EPRS1: variants seen among roughly 807,000 people sequenced by gnomAD.
EPRS1 encodes glutamyl-prolyl-tRNA synthetase 1.
Under a neutral mutation model 188.3 loss-of-function variants are expected in EPRS1, and 107 were observed. The observed-to-expected ratio is 0.57, with a 90% CI of 0.49 to 0.67. The LOEUF is 0.67. EPRS1 is among the 30% of genes least tolerant of loss of function. The pLI, the probability that EPRS1 is intolerant of heterozygous loss-of-function variation, is 0.00. For missense variants in EPRS1, 1,577 were observed against 1,802.2 expected (o/e 0.88, Z 2.26); for synonymous variants, 596 against 593.1 (o/e 1.00, Z -0.07).
chr1:220,001,830 A>G (rs569964228), intron 16 of EPRS1, among the ~76,000 whole-genome samples: 124 of 152,186 alleles, frequency 8.1e-4, no homozygotes, highest in South Asian at 1.7e-3. Context: ...GGAGTTCAAA[A>G]CCAGCCTGGG....
At chr1:219,970,052 C>T (rs557839534) in intron 30 of EPRS1, among the ~76,000 whole-genome samples, 1 of 152,112 alleles carries the variant, frequency 6.6e-6, no homozygotes, top group Non-Finnish European at 1.5e-5. Flanking sequence ...AAACTCCTGG[C>T]CTCAAGCAGT....
Position 220,038,478 on chromosome 1 carries a change from G to A in EPRS1, c.131+1707C>T, listed in dbSNP as rs182682949. 4.1e-3 allele frequency among the ~76,000 whole-genome samples: 553 copies of A among 135,542 alleles called. 3 individuals carry two copies. Among genetic ancestry groups the A allele is most frequent in the Non-Finnish European group, 4.5e-3 (295 of 65,860 alleles). The allele number at this position is 135,542 out of a possible 152,430, so 88.9% of individuals were successfully genotyped here. ...CGATCCTGGCTCTACTGCAACCTCC[G>A]TCTCGTGGGCTCAGGTGATCATCCT... On this transcript the variant is annotated intron_variant, in intron 2 of 31. Coordinates refer to ENST00000366923, the MANE Select transcript of EPRS1 (RefSeq NM_004446.3).
Position 219,969,239 on chromosome 1 carries a change from T to A in EPRS1, c.4324-117A>T. The A allele has an allele frequency of 1.4e-5, 10 of 710,582 alleles. No individual in the cohort carries two copies. The South Asian group carries it at 1.8e-4, about 13-fold the overall frequency. 44.0% of individuals were successfully genotyped at this position (710,582 alleles called of 1,614,324 possible). Reference sequence around the variant, plus strand: ...GCAAAAAGGATAGGTCTCCCAACCTTTTTTCAGGCTATGATACCTTTGCAA... The same window carrying A: ...GCAAAAAGGATAGGTCTCCCAACCTATTTTCAGGCTATGATACCTTTGCAA... On this transcript the variant is annotated intron_variant, in intron 30 of 31. Coordinates refer to ENST00000366923, the MANE Select transcript of EPRS1 (RefSeq NM_004446.3).
intron 7 of EPRS1, 114 bp downstream of exon 7, chr1:220,025,018 G>A (rs1376064091): frequency 2.0e-6 from 2 of 994,212 alleles, no homozygotes; most frequent in Non-Finnish European, 3.2e-6. Flanking sequence ...TATATAGATA[G>A]GGAAAAAAGC....
intron 28 of EPRS1, among the ~76,000 whole-genome samples, chr1:219,976,035 TACA>T (rs1380457294): frequency 6.6e-6 from 1 of 152,128 alleles, no homozygotes; most frequent in African/African-American, 2.4e-5. Flanking sequence ...AAGATAAGCC[TACA>T]ACATCTTGTG....
chr1:220,005,200 T>C, intron 16 of EPRS1, 48 bp downstream of exon 16: 2 of 802,408 alleles, frequency 2.5e-6, no homozygotes, highest in Middle Eastern at 3.1e-4. Flanking sequence ...TTACTCACTA[T>C]AACAACTTTA....
chr1:220,033,703 A>G (rs768988178), intron 3 of EPRS1, 45 bp from the exon 4 acceptor site: 8 of 1,447,434 alleles, frequency 5.5e-6, no homozygotes, highest in Non-Finnish European at 7.7e-6. Context: ...CAACATTTCA[A>G]CTTATAAAAA....
chr1:219,971,924 T>G (rs1325156170), intron 30 of EPRS1, 145 bp downstream of exon 30: 3 of 353,416 alleles, frequency 8.5e-6, no homozygotes, highest in Admixed American at 4.7e-5. Flanking sequence ...TATATATTTA[T>G]ACGTACATAT....
chr1:220,000,996 A>G, intron 17 of EPRS1, 142 bp downstream of exon 17: 1 of 646,414 alleles, frequency 1.5e-6, no homozygotes, highest in Non-Finnish European at 2.8e-6. Flanking sequence ...TGAAAGGATA[A>G]CAACAAAATG....
chr1:220,016,578 T>A (rs994365127), intron 12 of EPRS1, among the ~76,000 whole-genome samples: 9 of 10,452 alleles, frequency 8.6e-4, no homozygotes, highest in Non-Finnish European at 1.3e-3. Context: ...GCCTAGCTAA[T>A]TTTTTTTTTT....
In EPRS1 at chr1:220,046,483, T is replaced by A. The variant is rs1264562235; in HGVS notation, c.-95A>T. The A allele has an allele frequency of 1.3e-6, 2 of 1,541,810 alleles. No individual in the cohort carries two copies. The highest frequency in any genetic ancestry group is 4.9e-5 in the East Asian group (2 of 40,830). On this transcript the variant is annotated 5_prime_UTR_variant, in exon 1 of 32. Transcript: ENST00000366923. ...AGGAAGAAGATGCAACGTGTGCGCGTACCCGACGCCGCCGCAGCCTTCGCT... is the reference window on the plus strand; with the variant it reads ...AGGAAGAAGATGCAACGTGTGCGCGAACCCGACGCCGCCGCAGCCTTCGCT...
At chr1:219,980,510 A>T (rs1182209181) in intron 25 of EPRS1, among the ~76,000 whole-genome samples, 1 of 152,240 alleles carries the variant, frequency 6.6e-6, no homozygotes, top group African/African-American at 2.4e-5. Context: ...TACAGTATCA[A>T]AATGCAAATT....
rs1234403919 is a variant in EPRS1 at position 220,001,174 on chromosome 1, T to C, written c.2145A>G (p.Ser715=). The C allele has an allele frequency of 2.5e-6, 4 of 1,613,898 alleles. No individual in the cohort carries two copies. In the South Asian group the frequency reaches 4.4e-5, roughly 18 times the overall value. The change falls in exon 17 of 32, where the codon TCA becomes TCG. Residue 715 remains serine, a synonymous_variant. Transcript: ENST00000366923. Reference sequence around the variant, plus strand: ...TGGCTTCTACTTTGGTCTTTTCCTTTGACCCTGATGTTGGCATTTCCTTTG... The same window carrying C: ...TGGCTTCTACTTTGGTCTTTTCCTTCGACCCTGATGTTGGCATTTCCTTTG... ...GHTKEMPTSG[S]KEKTKVEATK...
At chr1:220,017,326 C>A (rs114214429) in intron 12 of EPRS1, among the ~76,000 whole-genome samples, 1 of 152,172 alleles carries the variant, frequency 6.6e-6, no homozygotes, top group East Asian at 1.9e-4. Context: ...TTCATCTTAA[C>A]AGACCCTACA....
At chr1:219,975,439 GT>G (rs756791358) in intron 28 of EPRS1, among the ~76,000 whole-genome samples, 4 of 152,096 alleles carry the variant, frequency 2.6e-5, no homozygotes, top group Admixed American at 2.6e-4. Flanking sequence ...GGTTTTTGTT[GT>G]TGTTGTTTTT....
chr1:219,973,416 C>A lies in EPRS1; in HGVS notation c.4084-18G>T. 1.9e-6 allele frequency: 3 copies of A among 1,571,524 alleles called. No homozygotes were observed. Among genetic ancestry groups the A allele is most frequent in the Admixed American group, 1.8e-5 (1 of 57,066 alleles). ...GGAACTCCCTATAAGATAAAAAAGG[C>A]AGTTAAAATGATATATGAATGTCTC... On this transcript the variant is annotated intron_variant, in intron 28 of 31. Transcript: ENST00000366923.
intron 18 of EPRS1, among the ~76,000 whole-genome samples, chr1:219,993,124 A>G (rs1661156300): frequency 6.6e-6 from 1 of 151,730 alleles, no homozygotes; most frequent in East Asian, 1.9e-4. Context: ...ACTTCCAGCT[A>G]CTTAGGAGAC....
chr1:220,036,032 T>C (rs1261611397), intron 2 of EPRS1, among the ~76,000 whole-genome samples: 3 of 152,040 alleles, frequency 2.0e-5, no homozygotes, highest in East Asian at 3.9e-4. Context: ...AAACCCCGTC[T>C]CTTCTACAAA....
intron 26 of EPRS1, 79 bp downstream of exon 26, chr1:219,980,006 T>A (rs964514595): frequency 8.3e-5 from 102 of 1,232,760 alleles, no homozygotes; most frequent in Non-Finnish European, 1.1e-4. Context: ...TCTACTTCTG[T>A]GATGACAGAA....
Sources: allele counts gnomAD v4.1 joint callset (sites outside exome capture counted in the v4.1 genomes callset), GRCh38; gene constraint gnomAD v4.1.1; transcripts MANE v1.5; gene names NCBI Gene and HGNC (gene_info 2026-07-23, HGNC 2026-07-21).